The following RBFOX1 variants were observed in gnomAD, a reference collection of about 807,000 sequenced individuals.
The protein encoded by RBFOX1 is RNA binding protein fox-1 homolog 1.
A neutral mutation model predicts 57.7 loss-of-function variants in RBFOX1; 8 were observed. The observed-to-expected ratio is 0.14, with a 90% CI of 0.08 to 0.25. The LOEUF is 0.25. Among genes scored for constraint, RBFOX1 ranks in the 10% least tolerant of loss-of-function variants. The pLI is 1.00. For synonymous variants in RBFOX1, 326 were observed against 222.4 expected, an observed-to-expected ratio of 1.47 and a Z score of -4.15; for missense variants, 611 against 548.5, an observed-to-expected ratio of 1.11 and a Z score of -1.14.
rs369689725 is a variant in RBFOX1 at position 7,483,009 on chromosome 16, G to A, written c.28-35138G>A. Among the ~76,000 whole-genome samples, 29 of 152,226 alleles carry A rather than the reference G, an allele frequency of 1.9e-4. No homozygotes were observed. In the South Asian group the frequency reaches 5.8e-3, roughly 31 times the overall value. ...TATGATTGTCAGCTGATTTTCCCAGGTCATGAACCTGGGCCCCTCAGCCTG... is the reference window on the plus strand; with the variant it reads ...TATGATTGTCAGCTGATTTTCCCAGATCATGAACCTGGGCCCCTCAGCCTG... On this transcript the variant is annotated intron_variant, in intron 4 of 15. Coordinates refer to ENST00000550418, the MANE Select transcript of RBFOX1 (RefSeq NM_018723.4).
At chr16:7,362,625 A>G (rs1353211215) in intron 4 of RBFOX1, among the ~76,000 whole-genome samples, 1 of 150,398 alleles carries the variant, frequency 6.6e-6, no homozygotes, top group South Asian at 2.1e-4. Context: ...TGCGTGTAGT[A>G]TGTGTTTTGT....
chr16:5,680,215 C>G lies in RBFOX1; in HGVS notation c.318+81254C>G, dbSNP rs539988372. Reference sequence around the variant, plus strand: ...GCATTGCTGCAGGACACCATGAAACCTTTCACGATTTGGGTGCAGTGTGGC... The same window carrying G: ...GCATTGCTGCAGGACACCATGAAACGTTTCACGATTTGGGTGCAGTGTGGC... On this transcript the variant is annotated intron_variant, in intron 3 of 19. Transcript: ENST00000641259. 1.4e-4 allele frequency among the ~76,000 whole-genome samples: 22 copies of G among 152,266 alleles called. No individual in the cohort carries two copies. The South Asian group carries it at 4.6e-3, about 32-fold the overall frequency.
chr16:7,239,095 T>C (rs1041253580), intron 4 of RBFOX1, among the ~76,000 whole-genome samples: 3 of 152,216 alleles, frequency 2.0e-5, no homozygotes, highest in African/African-American at 4.8e-5. Context: ...TAGTGCTGCA[T>C]TGAATATACA....
intron 3 of RBFOX1, among the ~76,000 whole-genome samples, chr16:7,029,331 G>A (rs1209152316): frequency 2.0e-5 from 3 of 147,728 alleles, no homozygotes; most frequent in Admixed American, 1.4e-4. Flanking sequence ...ATCAAGAAGA[G>A]CCAGAAGAGA....
intron 4 of RBFOX1, among the ~76,000 whole-genome samples, chr16:7,208,894 G>A (rs905808203): frequency 6.6e-6 from 1 of 151,996 alleles, no homozygotes; most frequent in Non-Finnish European, 1.5e-5. Context: ...GACTAAGAGA[G>A]CAAGAATTCA....
intron 1 of RBFOX1, among the ~76,000 whole-genome samples, chr16:5,248,472 C>G (rs1371104312): frequency 6.6e-6 from 1 of 152,180 alleles, no homozygotes; most frequent in Non-Finnish European, 1.5e-5. Flanking sequence ...TCGGCCGCAG[C>G]TGGAAGGGGG....
At chr16:5,698,135 A>G (rs1274838211) in intron 3 of RBFOX1, among the ~76,000 whole-genome samples, 2 of 152,168 alleles carry the variant, frequency 1.3e-5, no homozygotes, top group African/African-American at 4.8e-5. Context: ...ATCCCATTGG[A>G]AACTGCTTTA....
intron 1 of RBFOX1, among the ~76,000 whole-genome samples, chr16:5,241,341 GC>G (rs1343184281): frequency 6.6e-6 from 1 of 150,980 alleles, no homozygotes; most frequent in Non-Finnish European, 1.5e-5. Flanking sequence ...GTTTTCCAGG[GC>G]CGATCACGGA....
chr16:6,096,738 G>A (rs2096249320), intron 1 of RBFOX1, among the ~76,000 whole-genome samples: 3 of 152,144 alleles, frequency 2.0e-5, no homozygotes, highest in Non-Finnish European at 4.4e-5. Context: ...ACGAAATAAA[G>A]GATTAGAGCT....
At chr16:6,997,076 A>G (rs1055480810) in intron 3 of RBFOX1, among the ~76,000 whole-genome samples, 1 of 152,168 alleles carries the variant, frequency 6.6e-6, no homozygotes, top group Non-Finnish European at 1.5e-5. Flanking sequence ...AAAAATAATA[A>G]AAGCAGGAAG....
chr16:6,278,255 A>C (rs1194190354), intron 1 of RBFOX1, among the ~76,000 whole-genome samples: 1 of 151,446 alleles, frequency 6.6e-6, no homozygotes, highest in Non-Finnish European at 1.5e-5. Flanking sequence ...TTCCTGCCCT[A>C]GTGGCAGGGA....
intron 2 of RBFOX1, among the ~76,000 whole-genome samples, chr16:6,605,701 T>C (rs947077494): frequency 6.6e-6 from 1 of 152,212 alleles, no homozygotes; most frequent in African/African-American, 2.4e-5. Context: ...GGGCAGGGCC[T>C]AGATGCTGTG....
At chr16:7,502,873 A>G (rs1219133433) in intron 4 of RBFOX1, among the ~76,000 whole-genome samples, 1 of 152,008 alleles carries the variant, frequency 6.6e-6, no homozygotes, top group Non-Finnish European at 1.5e-5. Flanking sequence ...AAATACAAAA[A>G]TTAGCCAAGT....
intron 3 of RBFOX1, among the ~76,000 whole-genome samples, chr16:6,683,593 G>T (rs938528704): frequency 6.6e-6 from 1 of 152,182 alleles, no homozygotes; most frequent in African/African-American, 2.4e-5. Context: ...ACATGTGTGT[G>T]TGTATGTATA....
intron 4 of RBFOX1, among the ~76,000 whole-genome samples, chr16:7,061,752 A>C (rs1240110443): frequency 6.6e-6 from 1 of 152,112 alleles, no homozygotes; most frequent in Non-Finnish European, 1.5e-5. Context: ...TAATGCTGAC[A>C]TTTTAATTTG....
chr16:7,490,488 G>C (rs1448188352), intron 4 of RBFOX1, among the ~76,000 whole-genome samples: 1 of 152,176 alleles, frequency 6.6e-6, no homozygotes, highest in Non-Finnish European at 1.5e-5. Flanking sequence ...CTTAATTAGA[G>C]GGGTTGAGTC....
chr16:6,647,641 CAT>C (rs1332233612), intron 2 of RBFOX1, among the ~76,000 whole-genome samples: 1 of 152,170 alleles, frequency 6.6e-6, no homozygotes, highest in Non-Finnish European at 1.5e-5. Flanking sequence ...AGAGCTATGA[CAT>C]ATGAATTTTA....
intron 4 of RBFOX1, among the ~76,000 whole-genome samples, chr16:7,324,231 T>C (rs146518400): frequency 0.02 from 3,004 of 152,212 alleles, 100 homozygotes; most frequent in African/African-American, 0.067. Flanking sequence ...CACACTTAGC[T>C]TCTAAAGAGA....
At chr16:7,048,871 T>G (rs1433716102) in intron 3 of RBFOX1, among the ~76,000 whole-genome samples, 1 of 152,218 alleles carries the variant, frequency 6.6e-6, no homozygotes, top group Non-Finnish European at 1.5e-5. Flanking sequence ...TATTTTTGTT[T>G]TAATAAGCAA....
Sources: allele counts gnomAD v4.1 joint callset (sites outside exome capture counted in the v4.1 genomes callset), GRCh38; gene constraint gnomAD v4.1.1; transcripts MANE v1.5; gene names NCBI Gene and HGNC (gene_info 2026-07-23, HGNC 2026-07-21).